The following TPTE2 variants were observed in gnomAD, a reference collection of about 807,000 sequenced individuals.
TPTE2 encodes the protein transmembrane phosphoinositide 3-phosphatase and tensin homolog 2, also known as phosphatidylinositol 3,4,5-trisphosphate 3-phosphatase TPTE2.
A neutral mutation model predicts 78.6 loss-of-function variants in TPTE2; 53 were observed. The observed-to-expected ratio is 0.67, with a 90% CI of 0.54 to 0.85. The LOEUF is 0.85. Ranked by LOEUF, TPTE2 falls within the 40% of genes least tolerant of loss-of-function variation. The pLI is 0.00. For missense variants in TPTE2, 461 were observed against 623.0 expected (o/e 0.74, Z 2.77); for synonymous variants, 175 against 206.2 (o/e 0.85, Z 1.30).
upstream of TPTE2, among the ~76,000 whole-genome samples, chr13:19,506,262 C>T (rs1372654734): frequency 7.2e-6 from 1 of 138,456 alleles, no homozygotes; most frequent in Non-Finnish European, 1.5e-5. Flanking sequence ...AGCTCCACCT[C>T]CCAGGTTCAC....
the TPTE2 span, among the ~76,000 whole-genome samples, chr13:19,548,841 A>T: frequency 6.7e-6 from 1 of 148,332 alleles, no homozygotes; most frequent in Non-Finnish European, 1.5e-5. Flanking sequence ...ACTGTAGGCC[A>T]GGTGCGGTGA....
At chr13:19,544,627 G>A in the TPTE2 span, among the ~76,000 whole-genome samples, 1 of 152,176 alleles carries the variant, frequency 6.6e-6, no homozygotes, top group Non-Finnish European at 1.5e-5. Flanking sequence ...CAGGCACGGT[G>A]GCTCATGCCT....
chr13:19,442,206 A>T (rs1473644714), intron 13 of TPTE2, among the ~76,000 whole-genome samples: 1 of 152,086 alleles, frequency 6.6e-6, no homozygotes, highest in Non-Finnish European at 1.5e-5. Context: ...AATTTCAAAG[A>T]ACTAAAAAAG....
At chr13:19,482,502 A>G (rs1880418198) in exon 4 of TPTE2, 2 of 1,612,304 alleles carry the variant, frequency 1.2e-6, no homozygotes, top group South Asian at 2.2e-5. Flanking sequence ...ATGAAGCAAC[A>G]TTTTCAGCAT....
At chr13:19,434,262 A>G (rs1876895607) in intron 15 of TPTE2, among the ~76,000 whole-genome samples, 1 of 152,250 alleles carries the variant, frequency 6.6e-6, no homozygotes, top group African/African-American at 2.4e-5. Flanking sequence ...GAATTAAAAA[A>G]GCAAGAGACT....
upstream of TPTE2, among the ~76,000 whole-genome samples, chr13:19,504,599 G>A (rs1868867778): frequency 6.6e-6 from 1 of 152,074 alleles, no homozygotes; most frequent in Non-Finnish European, 1.5e-5. Context: ...TCATACACAG[G>A]AAATCTGACT....
chr13:19,508,473 T>A (rs2497264), intron 1 of TPTE2, among the ~76,000 whole-genome samples: 2 of 151,864 alleles, frequency 1.3e-5, no homozygotes, highest in Admixed American at 6.6e-5. Context: ...GAATGGGAGT[T>A]GTAAGAAAAA....
At chr13:19,469,471 T>G (rs1482914356) in intron 6 of TPTE2, among the ~76,000 whole-genome samples, 3 of 152,180 alleles carry the variant, frequency 2.0e-5, no homozygotes, top group Non-Finnish European at 4.4e-5. Context: ...TCCTCCAGCT[T>G]TGTTCTTTTT....
intron 1 of TPTE2, among the ~76,000 whole-genome samples, chr13:19,495,239 G>A (rs141289680): frequency 7.2e-4 from 109 of 152,316 alleles, no homozygotes; most frequent in Non-Finnish European, 1.2e-3. Context: ...CCCATGTGAG[G>A]GTGGGTATGG....
chr13:19,560,307 G>C, the TPTE2 span: 114 of 1,264,648 alleles, frequency 9.0e-5, 2 homozygotes, highest in East Asian at 9.0e-4. Flanking sequence ...TCAGTAGAAC[G>C]TACTCCCCTC....
At chr13:19,457,639 T>C (rs1468418208) in intron 10 of TPTE2, among the ~76,000 whole-genome samples, 1 of 152,140 alleles carries the variant, frequency 6.6e-6, no homozygotes, top group Non-Finnish European at 1.5e-5. Flanking sequence ...TTTCTGTCCC[T>C]GTGTTAGTTT....
upstream of TPTE2, among the ~76,000 whole-genome samples, chr13:19,507,246 G>A (rs1869124718): frequency 6.8e-6 from 1 of 147,320 alleles, no homozygotes; most frequent in Non-Finnish European, 1.5e-5. Context: ...TGAATTTGTA[G>A]GCTTAATTTT....
chr13:19,442,828 T>A (rs1253548593), intron 13 of TPTE2, among the ~76,000 whole-genome samples: 5 of 152,140 alleles, frequency 3.3e-5, no homozygotes, highest in Non-Finnish European at 7.4e-5. Context: ...CTGGGAAAAC[T>A]ATAATCTACC....
chr13:19,557,526 C>T, the TPTE2 span, among the ~76,000 whole-genome samples: 4 of 152,108 alleles, frequency 2.6e-5, no homozygotes, highest in East Asian at 1.9e-4. Context: ...AGCTTAGAGA[C>T]GGGAGGCAGG....
chr13:19,553,098 A>G, the TPTE2 span, among the ~76,000 whole-genome samples: 1 of 151,140 alleles, frequency 6.6e-6, no homozygotes, highest in African/African-American at 2.4e-5. Flanking sequence ...ACTACTGTTA[A>G]CAACCAAAGA....
chr13:19,476,910 A>G (rs1879981013), intron 4 of TPTE2, among the ~76,000 whole-genome samples: 1 of 152,238 alleles, frequency 6.6e-6, no homozygotes, highest in South Asian at 2.1e-4. Flanking sequence ...ATACATGCAT[A>G]TGAATGTTCA....
chr13:19,518,885 T>A lies in TPTE2; in HGVS notation c.-43-15608A>T, dbSNP rs1399422953. Reference sequence around the variant, plus strand: ...TAGAGAGATGGGTGACTATAGAAAATCACAGTTTACCTGAGAGCAGAAGCC... The same window carrying A: ...TAGAGAGATGGGTGACTATAGAAAAACACAGTTTACCTGAGAGCAGAAGCC... On this transcript the variant is annotated intron_variant, in intron 1 of 17. Coordinates refer to the TPTE2 transcript ENST00000390680. Among the ~76,000 whole-genome samples, 3 of 152,042 alleles carry A rather than the reference T, an allele frequency of 2.0e-5. No homozygotes were observed. In the East Asian group the frequency reaches 5.8e-4, roughly 29 times the overall value.
chr13:19,436,362 A>G (rs375440532), intron 14 of TPTE2, 56 bp from the exon 18 acceptor site: 14 of 1,489,882 alleles, frequency 9.4e-6, no homozygotes, highest in Non-Finnish European at 1.3e-5. Context: ...CCTTTCCTAT[A>G]TTAGGTACCC....
the TPTE2 span, chr13:19,561,010 C>T: frequency 6.3e-7 from 1 of 1,578,174 alleles, no homozygotes; most frequent in East Asian, 2.2e-5. Context: ...AGGCCACGTC[C>T]CCACAGACCA....
Sources: gnomAD v4.1 joint callset for allele counts (sites outside exome capture counted in the v4.1 genomes callset) on GRCh38, gnomAD v4.1.1 for gene constraint, MANE v1.5 for transcripts, NCBI Gene and HGNC (gene_info 2026-07-23, HGNC 2026-07-21) for gene names.